ZFYVE28: variants seen among roughly 807,000 people sequenced by gnomAD.
The protein encoded by ZFYVE28 is lateral signaling target protein 2 homolog.
A neutral mutation model predicts 82.1 loss-of-function variants in ZFYVE28; 40 were observed. That is an observed-to-expected ratio of 0.49 (90% confidence interval 0.38 to 0.63). The LOEUF is 0.63. ZFYVE28 is among the 30% of genes least tolerant of loss of function. The pLI is 0.00. For synonymous variants in ZFYVE28, 612 were observed against 546.1 expected (o/e 1.12, Z -1.68); for missense variants, 1,321 against 1,242.1 (o/e 1.06, Z -0.96).
At chr4:2,303,634 G>C (rs1269128050) in intron 8 of ZFYVE28, among the ~76,000 whole-genome samples, 1 of 152,258 alleles carries the variant, frequency 6.6e-6, no homozygotes, top group South Asian at 2.1e-4. Flanking sequence ...CTCCAGAGTG[G>C]GGGATGGGAG....
intron 1 of ZFYVE28, among the ~76,000 whole-genome samples, chr4:2,404,714 G>T (rs576555431): frequency 7.2e-5 from 11 of 152,304 alleles, no homozygotes; most frequent in African/African-American, 2.6e-4. Flanking sequence ...TAGAAACAGG[G>T]TGTTTATATG....
rs1725205976 is a variant in ZFYVE28, at chr4:2,355,659, C to G, written c.40-1586G>C. Among the ~76,000 whole-genome samples the G allele has an allele frequency of 2.0e-5, 3 of 152,030 alleles. No individual in the cohort carries two copies. In the South Asian group the frequency reaches 6.2e-4, roughly 32 times the overall value. ...GTGGCATGAGCATGGCTCACTGCAACCTCCGCCTCCTGGGCTCAAGAGATC... is the reference window on the plus strand; with the variant it reads ...GTGGCATGAGCATGGCTCACTGCAAGCTCCGCCTCCTGGGCTCAAGAGATC... On this transcript the variant is annotated intron_variant, in intron 1 of 12. Coordinates refer to ENST00000290974, the MANE Select transcript of ZFYVE28 (RefSeq NM_020972.3).
At chr4:2,275,809 C>T (rs1469123371) in intron 8 of ZFYVE28, among the ~76,000 whole-genome samples, 2 of 152,272 alleles carry the variant, frequency 1.3e-5, no homozygotes, top group African/African-American at 2.4e-5. Flanking sequence ...ACACTGGAAA[C>T]GCGCATCTGC....
intron 2 of ZFYVE28, among the ~76,000 whole-genome samples, chr4:2,352,605 A>G (rs555899148): frequency 6.6e-6 from 1 of 152,102 alleles, no homozygotes; most frequent in East Asian, 1.9e-4. Context: ...GAAGAACCTG[A>G]GTGTTTAAGG....
At chr4:2,364,943 G>A (rs1364523653) in intron 1 of ZFYVE28, 5 of 977,140 alleles carry the variant, frequency 5.1e-6, no homozygotes, top group Non-Finnish European at 6.1e-6. Flanking sequence ...CAGCAGGGGC[G>A]GCGCAGCCTC....
At chr4:2,304,061 C>A (rs2108822190) in intron 8 of ZFYVE28, among the ~76,000 whole-genome samples, 1 of 152,360 alleles carries the variant, frequency 6.6e-6, no homozygotes, top group Admixed American at 6.5e-5. Flanking sequence ...AGCGGGCCCG[C>A]TGGCGCACAT....
Position 2,341,501 on chromosome 4 carries a change from C to A in ZFYVE28, c.295G>T (p.Gly99Cys), listed in dbSNP as rs747613925. 6.2e-7 allele frequency: 1 copy of A among 1,613,696 alleles called. No homozygotes were observed. The highest frequency in any genetic ancestry group is 2.2e-5 in the East Asian group (1 of 44,856). Residue 99 changes from glycine (G) to cysteine (C), a missense_variant, in exon 3 of 13, where the codon GGC (glycine) becomes TGC (cysteine). Coordinates refer to ENST00000290974, the MANE Select transcript of ZFYVE28 (RefSeq NM_020972.3). This position sits in a 1 kb window ranked among gnomAD's most constrained non-coding sequence, Gnocchi z 4.5. ...PEEIRHDNLA[G>C]QLWFGAECLA... The stretch of plus-strand genomic sequence containing the variant: ...ACCTCGGCACCGAACCACAGCTGGC[C>A]GGCCAGGTTGTCGTGCCGGATCTCC...
chr4:2,379,764 T>C (rs1728533605), intron 1 of ZFYVE28, among the ~76,000 whole-genome samples: 1 of 152,184 alleles, frequency 6.6e-6, no homozygotes, highest in Non-Finnish European at 1.5e-5. Flanking sequence ...TATAAATCTA[T>C]AAATGGGATT....
intron 6 of ZFYVE28, among the ~76,000 whole-genome samples, chr4:2,321,952 CG>C (rs1440376716): frequency 2.6e-5 from 4 of 152,194 alleles, no homozygotes; most frequent in African/African-American, 9.6e-5. Context: ...GAAAAGAACT[CG>C]TTCATCAGGA....
chr4:2,369,539 T>G (rs1372550040), intron 1 of ZFYVE28, among the ~76,000 whole-genome samples: 5 of 152,134 alleles, frequency 3.3e-5, no homozygotes, highest in Non-Finnish European at 7.4e-5. Flanking sequence ...AAACGGTTGT[T>G]GCAGATGAAA....
chr4:2,403,626 T>C (rs1468347707), intron 1 of ZFYVE28, among the ~76,000 whole-genome samples: 1 of 152,116 alleles, frequency 6.6e-6, no homozygotes, highest in Non-Finnish European at 1.5e-5. Flanking sequence ...CAGGCCCCTC[T>C]CAGCACTCAC....
intron 8 of ZFYVE28, among the ~76,000 whole-genome samples, chr4:2,291,089 G>C (rs531546752): frequency 1.3e-5 from 2 of 152,204 alleles, no homozygotes; most frequent in East Asian, 1.9e-4. Flanking sequence ...CGCCCTTCTC[G>C]TCTCGCACCT....
At position 2,341,433 on chromosome 4, in the gene ZFYVE28, G is replaced by A. The variant is rs771030251; in HGVS notation, c.318+45C>T. ...AAGGTTCGCAGGGACTTGGCTAGAC[G>A]CCACCCCACATCAGGACCTCCGAAC... On this transcript the variant is annotated intron_variant, in intron 3 of 12. Transcript: ENST00000290974. This position sits in a 1 kb window ranked among gnomAD's most constrained non-coding sequence, Gnocchi z 4.5. 1.6e-5 allele frequency: 26 copies of A among 1,606,850 alleles called. No individual in the cohort carries two copies. The highest frequency in any genetic ancestry group is 2.2e-5 in the South Asian group (2 of 90,350).
intron 8 of ZFYVE28, among the ~76,000 whole-genome samples, chr4:2,284,405 G>C (rs933016045): frequency 6.6e-6 from 1 of 152,210 alleles, no homozygotes; most frequent in African/African-American, 2.4e-5. Context: ...TGAAGACCAT[G>C]ATGGGGAGGA....
intron 6 of ZFYVE28, among the ~76,000 whole-genome samples, chr4:2,326,630 G>A (rs891637960): frequency 3.1e-4 from 47 of 152,252 alleles, no homozygotes; most frequent in Non-Finnish European, 2.6e-4. Flanking sequence ...ATTTACTTGG[G>A]TAGTATGGAC....
At chr4:2,317,111 C>A (rs139362172) in intron 7 of ZFYVE28, among the ~76,000 whole-genome samples, 1 of 151,552 alleles carries the variant, frequency 6.6e-6, no homozygotes, top group Admixed American at 6.6e-5. Context: ...GTCTCAGCCT[C>A]CCAAGTAGCT....
At chr4:2,413,866 G>T (rs1044464746) in intron 1 of ZFYVE28, among the ~76,000 whole-genome samples, 3 of 152,188 alleles carry the variant, frequency 2.0e-5, no homozygotes, top group Non-Finnish European at 4.4e-5. Context: ...CTCGTGCCAG[G>T]CCCCAGTGTC....
In ZFYVE28 at chr4:2,403,837, T is replaced by C. The variant is rs188887666; in HGVS notation, c.39+14448A>G. On this transcript the variant is annotated intron_variant, in intron 1 of 12. Transcript: ENST00000290974. ...AAAAAAAATTAGCTGGGTGTGGTGGTGCACATCTGTGGTCCCAGCTACTCA... is the reference window on the plus strand; with the variant it reads ...AAAAAAAATTAGCTGGGTGTGGTGGCGCACATCTGTGGTCCCAGCTACTCA... 5.5e-4 allele frequency among the ~76,000 whole-genome samples: 84 copies of C among 151,952 alleles called. 1 individual carries two copies. The East Asian group carries it at 0.015, about 27-fold the overall frequency.
chr4:2,356,895 T>C (rs1474619530), intron 1 of ZFYVE28, among the ~76,000 whole-genome samples: 1 of 152,162 alleles, frequency 6.6e-6, no homozygotes, highest in African/African-American at 2.4e-5. Context: ...GTCATTTTTT[T>C]TGAGACGGAG....
Sources: allele counts gnomAD v4.1 joint callset (sites outside exome capture counted in the v4.1 genomes callset), GRCh38; gene constraint gnomAD v4.1.1; non-coding constraint Gnocchi (gnomAD v3.1); transcripts MANE v1.5; gene names NCBI Gene and HGNC (gene_info 2026-07-23, HGNC 2026-07-21).